Variants in ELOA observed in about 807,000 individuals in gnomAD.
ELOA encodes elongin A, also known as elongin-A.
ELOA carries 15 observed loss-of-function variants against 85.2 expected under a neutral mutation model. That is an observed-to-expected ratio of 0.18 (90% CI 0.12 to 0.27). The LOEUF is 0.27. Ranked by LOEUF, ELOA falls within the 10% of genes least tolerant of loss-of-function variation. The pLI, the probability that ELOA is intolerant of heterozygous loss-of-function variation, is 1.00. For missense variants in ELOA, 769 were observed against 952.7 expected, an observed-to-expected ratio of 0.81 and a Z score of 2.54; for synonymous variants, 348 against 357.2, an observed-to-expected ratio of 0.97 and a Z score of 0.29.
chr1:23,750,942 CAAGA>C lies in ELOA; in HGVS notation c.340_343del (p.Glu114ProfsTer125). On this transcript the variant is annotated frameshift_variant, in exon 4 of 11. Transcript: ENST00000613537. LOFTEE classifies it high-confidence loss of function. Reference sequence around the variant, plus strand: ...GGAGGAGGAGATGGAGGGGGACTACCAAGAAACCTGGAAAGCCACGGGGAGCCGA... The same window carrying C: ...GGAGGAGGAGATGGAGGGGGACTACCAACCTGGAAAGCCACGGGGAGCCGA... The C allele has an allele frequency of 6.2e-7, 1 of 1,614,040 alleles. No individual in the cohort carries two copies. Among genetic ancestry groups the C allele is most frequent in the East Asian group, 2.2e-5 (1 of 44,880 alleles).
At chr1:23,743,763 G>C (rs1394923327) in intron 1 of ELOA, among the ~76,000 whole-genome samples, 185 bp downstream of exon 1, 2 of 152,120 alleles carry the variant, frequency 1.3e-5, no homozygotes, top group Non-Finnish European at 2.9e-5. Flanking sequence ...GTCGGGCGTC[G>C]GGACGCGGGG....
chr1:23,749,491 A>T (rs1644759896), intron 2 of ELOA, among the ~76,000 whole-genome samples: 1 of 152,232 alleles, frequency 6.6e-6, no homozygotes. Flanking sequence ...CCCAGATTCA[A>T]ATCTGAGTTC....
At chr1:23,752,242 C>T (rs557792455) in intron 4 of ELOA, among the ~76,000 whole-genome samples, 165 bp from the exon 5 acceptor site, 2 of 152,266 alleles carry the variant, frequency 1.3e-5, no homozygotes, top group Admixed American at 1.3e-4. Context: ...ATGGGCTCAT[C>T]TGTATTTATT....
At position 23,752,643 on chromosome 1, in the gene ELOA, G is replaced by A. The variant is rs1348865722; in HGVS notation, c.1537+125G>A. On this transcript the variant is annotated intron_variant, in intron 5 of 10. Transcript: ENST00000613537. Reference sequence around the variant, plus strand: ...AGGCCGAGGTAAGAGGATTGCTTGCGGCCAAGGGTTCTAAACCAACCAGGC... The same window carrying A: ...AGGCCGAGGTAAGAGGATTGCTTGCAGCCAAGGGTTCTAAACCAACCAGGC... The A allele has an allele frequency of 3.9e-5, 41 of 1,042,994 alleles. No individual in the cohort carries two copies. The East Asian group carries it at 8.9e-4, about 23-fold the overall frequency. 64.6% of individuals were successfully genotyped at this position (1,042,994 alleles called of 1,614,324 possible). A position where few individuals can be genotyped will look rare whatever the true frequency, so the allele number is the denominator to read the frequency against.
chr1:23,750,321 A>T (rs1387673420), intron 3 of ELOA, among the ~76,000 whole-genome samples: 1 of 151,498 alleles, frequency 6.6e-6, no homozygotes, highest in African/African-American at 2.4e-5. Flanking sequence ...GACCACAGGC[A>T]CCCGCCACCA....
At chr1:23,746,097 T>G (rs996740006) in intron 1 of ELOA, among the ~76,000 whole-genome samples, 1 of 152,016 alleles carries the variant, frequency 6.6e-6, no homozygotes, top group African/African-American at 2.4e-5. Flanking sequence ...GAGACCAGCC[T>G]GGCCAACATG....
At chr1:23,744,788 A>T (rs1327169324) in intron 1 of ELOA, among the ~76,000 whole-genome samples, 2 of 152,204 alleles carry the variant, frequency 1.3e-5, no homozygotes, top group East Asian at 3.8e-4. Context: ...GTTGGAACTC[A>T]GTCCTGGTGG....
At position 23,752,394 on chromosome 1, in the gene ELOA, C is replaced by T; in HGVS notation, c.1426-13C>T. 1 of 1,612,844 alleles carries T rather than the reference C, an allele frequency of 6.2e-7. No individual in the cohort carries two copies. Among genetic ancestry groups the T allele is most frequent in the African/African-American group, 1.3e-5 (1 of 75,028 alleles). ...ACTCACTGACTCTCCACCCATGGGTCTGTCCCCTGCAGGTGCCTGATGTGT... is the reference window on the plus strand; with the variant it reads ...ACTCACTGACTCTCCACCCATGGGTTTGTCCCCTGCAGGTGCCTGATGTGT... On this transcript the variant is annotated splice_polypyrimidine_tract_variant and intron_variant, in intron 4 of 10. Coordinates refer to ENST00000613537, the MANE Select transcript of ELOA (RefSeq NM_003198.3).
At chr1:23,746,086 C>G (rs1006703124) in intron 1 of ELOA, among the ~76,000 whole-genome samples, 1 of 151,946 alleles carries the variant, frequency 6.6e-6, no homozygotes, top group Non-Finnish European at 1.5e-5. Context: ...ATCAGGAGTT[C>G]GAGACCAGCC....
In ELOA at chr1:23,759,723, G is replaced by A; in HGVS notation, c.*150G>A. On this transcript the variant is annotated 3_prime_UTR_variant, in exon 11 of 11. Coordinates refer to ENST00000613537, the MANE Select transcript of ELOA (RefSeq NM_003198.3). Reference sequence around the variant, plus strand: ...TGCAGTCTGCAGGTGCTGCCCCTGGGAACCTGCGTGCCACAGCCCCGCCTC... The same window carrying A: ...TGCAGTCTGCAGGTGCTGCCCCTGGAAACCTGCGTGCCACAGCCCCGCCTC... 4 of 792,296 alleles carry A rather than the reference G, an allele frequency of 5.0e-6. No individual in the cohort carries two copies. The highest frequency in any genetic ancestry group is 2.5e-4 in the Middle Eastern group (1 of 4,054). The allele number at this position is 792,296 out of a possible 1,614,324, so 49.1% of individuals were successfully genotyped here.
chr1:23,749,784 T>A, intron 2 of ELOA, 58 bp from the exon 3 acceptor site: 1 of 1,476,194 alleles, frequency 6.8e-7, no homozygotes, highest in Non-Finnish European at 9.3e-7. Context: ...CCTTATTTCT[T>A]TAGAAAAACG....
intron 7 of ELOA, among the ~76,000 whole-genome samples, chr1:23,755,166 C>T (rs1022608956): frequency 3.9e-5 from 6 of 152,216 alleles, no homozygotes; most frequent in Admixed American, 2.0e-4. Flanking sequence ...CATGAGCCAA[C>T]GCGCCTGGCC....
chr1:23,751,470 G>A lies in ELOA; in HGVS notation c.865G>A (p.Ala289Thr). Residue 289 changes from alanine to threonine, a missense_variant, in exon 4 of 11, where the codon GCA (alanine) becomes ACA (threonine). By Grantham distance (58) the Ala-to-Thr change is moderately conservative. This residue lies in a region of ELOA where 440 missense variants were observed against 474.0 expected (regional missense o/e 0.93). Transcript: ENST00000613537. ...CCGAAGGCCACCCTCAGGGGACAAT[G>A]CAAGGGAGAAACCGCCCTCTAGTGG... ...ENRRPPSGDNAREKPPSSGVK... is the reference protein window; with the variant it reads ...ENRRPPSGDNTREKPPSSGVK... 6.2e-7 allele frequency: 1 copy of A among 1,614,070 alleles called. No homozygotes were observed. The highest frequency in any genetic ancestry group is 1.1e-5 in the South Asian group (1 of 91,086).
chr1:23,761,593 CT>C lies in ELOA; in HGVS notation c.*2021del, dbSNP rs1553126709. ...TTTGCATAGAGCCAGATGTTTTCCCCTCCCCCAAGAGTATCTACATCAGGGA... is the reference window on the plus strand; with the variant it reads ...TTTGCATAGAGCCAGATGTTTTCCCCCCCCCAAGAGTATCTACATCAGGGA... On this transcript the variant is annotated 3_prime_UTR_variant, in exon 11 of 11. Coordinates refer to ENST00000613537, the MANE Select transcript of ELOA (RefSeq NM_003198.3). 3 of 152,088 alleles carry C rather than the reference CT, an allele frequency of 2.0e-5. No individual in the cohort carries two copies. Among genetic ancestry groups the C allele is most frequent in the Non-Finnish European group, 4.4e-5 (3 of 68,024 alleles). The allele number at this position is 152,088 out of a possible 1,614,324, so 9.4% of individuals were successfully genotyped here.
chr1:23,755,796 T>A (rs10917422), intron 7 of ELOA, 47 bp from the exon 8 acceptor site: 338,487 of 1,326,048 alleles, frequency 0.26, 16,693 homozygotes, highest in Non-Finnish European at 0.27. Context: ...AAAAAAAAAA[T>A]ATGGAAAAGT....
Position 23,754,462 on chromosome 1 carries a change from T to C in ELOA, c.1791+2T>C. 1 of 1,612,560 alleles carries C rather than the reference T, an allele frequency of 6.2e-7. No homozygotes were observed. Among genetic ancestry groups the C allele is most frequent in the Non-Finnish European group, 8.5e-7 (1 of 1,178,620 alleles). ...TATCGCATAGAGGAATACAATCATG[T>C]GAGTATTCTGTTTGGGTGGGAAGAG... On this transcript the variant is annotated splice_donor_variant, in intron 7 of 10. Transcript: ENST00000613537. LOFTEE classifies it high-confidence loss of function.
In ELOA at chr1:23,752,388, A is replaced by G. The variant is rs1644775306; in HGVS notation, c.1426-19A>G. 1.2e-6 allele frequency: 2 copies of G among 1,611,342 alleles called. No individual in the cohort carries two copies. Among genetic ancestry groups the G allele is most frequent in the African/African-American group, 1.3e-5 (1 of 74,940 alleles). Reference sequence around the variant, plus strand: ...GCTTCTACTCACTGACTCTCCACCCATGGGTCTGTCCCCTGCAGGTGCCTG... The same window carrying G: ...GCTTCTACTCACTGACTCTCCACCCGTGGGTCTGTCCCCTGCAGGTGCCTG... On this transcript the variant is annotated intron_variant, in intron 4 of 10. Transcript: ENST00000613537.
chr1:23,756,090 G>A, intron 8 of ELOA, 67 bp downstream of exon 8: 2 of 1,567,752 alleles, frequency 1.3e-6, no homozygotes, highest in Non-Finnish European at 1.7e-6. Context: ...GCAGGGTGTT[G>A]GTGGGCTTGG....
chr1:23,756,015 A>T lies in ELOA; in HGVS notation c.1964A>T (p.Lys655Met). The change falls in exon 8 of 11, where the codon AAG becomes ATG. Residue 655 changes from lysine (K) to methionine (M), a missense_variant. Physicochemically the swap from Lys to Met is moderately conservative, Grantham distance 95. Coordinates refer to ENST00000613537, the MANE Select transcript of ELOA (RefSeq NM_003198.3). ...TKNIQFAHANKPKGRQAKMAF... is the reference protein window; with the variant it reads ...TKNIQFAHANMPKGRQAKMAF... Reference sequence around the variant, plus strand: ...AATATCCAGTTCGCACATGCCAATAAGCCCAAAGGTAACAGAGACGGGAGA... The same window carrying T: ...AATATCCAGTTCGCACATGCCAATATGCCCAAAGGTAACAGAGACGGGAGA... 1 of 1,612,476 alleles carries T rather than the reference A, an allele frequency of 6.2e-7. No homozygotes were observed. Among genetic ancestry groups the T allele is most frequent in the Non-Finnish European group, 8.5e-7 (1 of 1,179,516 alleles).
Sources: gnomAD v4.1 joint callset for allele counts (sites outside exome capture counted in the v4.1 genomes callset) on GRCh38, gnomAD v4.1.1 for gene constraint, gnomAD v4.1.1 regional missense constraint, MANE v1.5 for transcripts, NCBI Gene and HGNC (gene_info 2026-07-23, HGNC 2026-07-21) for gene names.